ACTN4: variants seen among roughly 807,000 people sequenced by gnomAD.
The protein encoded by ACTN4 is alpha-actinin-4.
Under a neutral mutation model 114.2 loss-of-function variants are expected in ACTN4, and 18 were observed. The observed-to-expected ratio is 0.16, with a 90% CI of 0.11 to 0.23. ACTN4 has a LOEUF of 0.23. ACTN4 is among the 10% of genes least tolerant of loss of function. The pLI, the probability that ACTN4 is intolerant of heterozygous loss-of-function variation, is 1.00. For missense variants in ACTN4, 722 were observed against 1,262.9 expected (o/e 0.57, Z 6.49); for synonymous variants, 515 against 506.3 (o/e 1.02, Z -0.23).
intron 8 of ACTN4, chr19:38,710,806 C>A: frequency 7.0e-6 from 2 of 287,688 alleles, no homozygotes; most frequent in African/African-American, 2.2e-5. Context: ...TGAAGCACTA[C>A]GAAGGCCCTG....
At chr19:38,675,422 G>C (rs1259361428) in intron 1 of ACTN4, among the ~76,000 whole-genome samples, 1 of 152,046 alleles carries the variant, frequency 6.6e-6, no homozygotes, top group East Asian at 1.9e-4. Context: ...TTTTGTAGAG[G>C]TGAGGTCTCA....
At chr19:38,649,256 G>T (rs1257433029) in intron 1 of ACTN4, among the ~76,000 whole-genome samples, 1 of 133,574 alleles carries the variant, frequency 7.5e-6, no homozygotes, top group African/African-American at 2.8e-5. Context: ...ATCCCCGAGC[G>T]AGGTGTCAGT....
rs950493656 is a variant in ACTN4, at chr19:38,729,064, A to G, written c.2487A>G (p.Gln829=). 1.2e-6 allele frequency: 2 copies of G among 1,613,468 alleles called. No individual in the cohort carries two copies. Among genetic ancestry groups the G allele is most frequent in the African/African-American group, 2.7e-5 (2 of 75,002 alleles). The change falls in exon 20 of 21, where the codon CAA becomes CAG. Residue 829 remains glutamine (Q), a synonymous_variant. Coordinates refer to ENST00000252699, the MANE Select transcript of ACTN4 (RefSeq NM_004924.6). ...DPNHSGLVTF[Q]AFIDFMSRET... ...ACCATAGCGGCCTTGTGACCTTCCA[A>G]GCCTTCATCGACTTCATGTCGCGGG...
chr19:38,726,832 G>A (rs1456095431), intron 17 of ACTN4, 125 bp from the exon 18 acceptor site: 4 of 1,389,964 alleles, frequency 2.9e-6, no homozygotes, highest in Non-Finnish European at 3.9e-6. Context: ...TGTCCCCTGT[G>A]AGGTGTACAG....
At position 38,696,481 on chromosome 19, in the gene ACTN4, G is replaced by T. The variant is rs375390361; in HGVS notation, c.163-4119G>T. On this transcript the variant is annotated intron_variant, in intron 1 of 20. Coordinates refer to ENST00000252699, the MANE Select transcript of ACTN4 (RefSeq NM_004924.6). Reference sequence around the variant, plus strand: ...CGCAGCGTAGTCTAAACCGGGTAGGGAGAGGAAGGATGGAAGCAGAGTGTT... The same window carrying T: ...CGCAGCGTAGTCTAAACCGGGTAGGTAGAGGAAGGATGGAAGCAGAGTGTT... Among the ~76,000 whole-genome samples, 5 of 152,164 alleles carry T rather than the reference G, an allele frequency of 3.3e-5. No individual in the cohort carries two copies. The East Asian group carries it at 5.8e-4, about 18-fold the overall frequency.
chr19:38,687,121 G>T (rs1411227476), intron 1 of ACTN4, among the ~76,000 whole-genome samples: 2 of 151,890 alleles, frequency 1.3e-5, no homozygotes, highest in South Asian at 2.1e-4. Context: ...GTGCCACCAC[G>T]TCTGGCTAAT....
chr19:38,691,641 G>T (rs947437815), intron 1 of ACTN4, among the ~76,000 whole-genome samples: 6 of 152,016 alleles, frequency 3.9e-5, no homozygotes, highest in Non-Finnish European at 8.8e-5. Flanking sequence ...GGTGGCTCAC[G>T]CCTGTAATCC....
intron 8 of ACTN4, among the ~76,000 whole-genome samples, chr19:38,712,666 C>T (rs190329229): frequency 1.2e-3 from 189 of 152,120 alleles, no homozygotes; most frequent in Admixed American, 4.7e-3. Flanking sequence ...CCCACACTCC[C>T]GCGGGAGGGT....
rs1029667235 is a variant in ACTN4, at chr19:38,647,651, A to T, written c.-95A>T. Reference sequence around the variant, plus strand: ...CAGGCGCGGGCGGAGGGCGGGCTGAAGCAGCTGAAGCGGCGGTAGCGGCGG... The same window carrying T: ...CAGGCGCGGGCGGAGGGCGGGCTGATGCAGCTGAAGCGGCGGTAGCGGCGG... On this transcript the variant is annotated 5_prime_UTR_variant, in exon 1 of 21. The change creates a new upstream start codon in the 5' untranslated region. Coordinates refer to ENST00000252699, the MANE Select transcript of ACTN4 (RefSeq NM_004924.6). The T allele has an allele frequency of 5.5e-6, 8 of 1,445,510 alleles. No homozygotes were observed. Among genetic ancestry groups the T allele is most frequent in the Non-Finnish European group, 7.3e-6 (8 of 1,094,902 alleles). 89.5% of individuals were successfully genotyped at this position (1,445,510 alleles called of 1,614,324 possible).
At chr19:38,708,547 A>G (rs1968538084) in intron 6 of ACTN4, among the ~76,000 whole-genome samples, 1 of 152,150 alleles carries the variant, frequency 6.6e-6, no homozygotes, top group Non-Finnish European at 1.5e-5. Flanking sequence ...ATTCCAAACC[A>G]TCACCACAAG....
At chr19:38,656,179 A>G (rs933193594) in intron 1 of ACTN4, among the ~76,000 whole-genome samples, 8 of 152,148 alleles carry the variant, frequency 5.3e-5, no homozygotes, top group African/African-American at 1.7e-4. Context: ...CAGTGGAACA[A>G]TCTTGGCTCA....
rs1270019006 is a variant in ACTN4 at position 38,731,244 on chromosome 19, A to C, written c.*1812A>C. On this transcript the variant is annotated 3_prime_UTR_variant, in exon 21 of 21. Coordinates refer to ENST00000252699, the MANE Select transcript of ACTN4 (RefSeq NM_004924.6). The stretch of plus-strand genomic sequence containing the variant: ...GAAGCCTAGGGGGAGGCTGCTTCTG[A>C]GCCCAGTGGCCCACAGGGAACCCAC... The C allele has an allele frequency of 1.9e-5, 31 of 1,600,804 alleles. No homozygotes were observed. The highest frequency in any genetic ancestry group is 2.6e-5 in the Non-Finnish European group (31 of 1,170,300).
chr19:38,704,458 CAAT>C (rs1209291605), intron 3 of ACTN4, among the ~76,000 whole-genome samples: 1 of 152,216 alleles, frequency 6.6e-6, no homozygotes. Flanking sequence ...TCACAATAAA[CAAT>C]AATGTAGTGC....
chr19:38,701,948 C>G (rs1968290837), intron 3 of ACTN4, among the ~76,000 whole-genome samples: 1 of 152,236 alleles, frequency 6.6e-6, no homozygotes, highest in African/African-American at 2.4e-5. Context: ...AATGTGTGTG[C>G]TGAGTTCCAA....
rs770253393 is a variant in ACTN4, at chr19:38,729,994, C to CTGAG, written c.*564_*567dup. 2.9e-5 allele frequency: 9 copies of CTGAG among 308,674 alleles called. No homozygotes were observed. The highest frequency in any genetic ancestry group is 2.0e-4 in the African/African-American group (9 of 45,320). 19.1% of individuals were successfully genotyped at this position (308,674 alleles called of 1,614,324 possible). A position where few individuals can be genotyped will look rare whatever the true frequency, so the allele number is the denominator to read the frequency against. On this transcript the variant is annotated 3_prime_UTR_variant, in exon 21 of 21. Coordinates refer to ENST00000252699, the MANE Select transcript of ACTN4 (RefSeq NM_004924.6). The stretch of plus-strand genomic sequence containing the variant: ...GCACCCCGCTTTTGCAGCAGAGGAG[C>CTGAG]TGAGTTGGCAGACCGGGCCCCCCTG...
intron 1 of ACTN4, among the ~76,000 whole-genome samples, chr19:38,658,461 A>T (rs928421029): frequency 1.3e-5 from 2 of 152,200 alleles, no homozygotes; most frequent in Non-Finnish European, 2.9e-5. Context: ...CAAATCTAAC[A>T]GCAAATCCTT....
At chr19:38,674,442 C>CT (rs1178658689) in intron 1 of ACTN4, among the ~76,000 whole-genome samples, 2 of 152,116 alleles carry the variant, frequency 1.3e-5, no homozygotes, top group African/African-American at 2.4e-5. Flanking sequence ...GTTTTAGGTA[C>CT]TGGGTGTACA....
At chr19:38,721,376 G>C (rs574689604) in intron 11 of ACTN4, among the ~76,000 whole-genome samples, 162 bp from the exon 12 acceptor site, 1 of 152,332 alleles carries the variant, frequency 6.6e-6, no homozygotes, top group African/African-American at 2.4e-5. Context: ...GATCCCTGGA[G>C]GGTACGGAAG....
rs1220482347 is a variant in ACTN4, at chr19:38,731,333, C to A, written c.*1901C>A. Reference sequence around the variant, plus strand: ...CATGAATGCCACAGGGTGTCACACCCCAACTCTGCCCCATCCCGGCAGGGT... The same window carrying A: ...CATGAATGCCACAGGGTGTCACACCACAACTCTGCCCCATCCCGGCAGGGT... On this transcript the variant is annotated 3_prime_UTR_variant, in exon 21 of 21. Coordinates refer to ENST00000252699, the MANE Select transcript of ACTN4 (RefSeq NM_004924.6). 6 of 785,784 alleles carry A rather than the reference C, an allele frequency of 7.6e-6. No individual in the cohort carries two copies. In the East Asian group the frequency reaches 1.5e-4, roughly 20 times the overall value. The allele number at this position is 785,784 out of a possible 1,614,324, so 48.7% of individuals were successfully genotyped here.
Sources: gnomAD v4.1 joint callset for allele counts (sites outside exome capture counted in the v4.1 genomes callset) on GRCh38, gnomAD v4.1.1 for gene constraint, MANE v1.5 for transcripts, NCBI Gene and HGNC (gene_info 2026-07-23, HGNC 2026-07-21) for gene names.